Variants in CEP350 observed in about 807,000 individuals in gnomAD.
CEP350 encodes the protein centrosome-associated protein 350.
In CEP350, 126 loss-of-function variants were observed where a neutral mutation model predicts 331.8. That is an observed-to-expected ratio of 0.38 (90% CI 0.33 to 0.44). CEP350 has a LOEUF of 0.44. Among genes scored for constraint, CEP350 ranks in the 20% least tolerant of loss-of-function variants. The pLI is 1.00. For missense variants in CEP350, 3,406 were observed against 3,634.6 expected, an observed-to-expected ratio of 0.94 and a Z score of 1.62; for synonymous variants, 1,200 against 1,259.5, an observed-to-expected ratio of 0.95 and a Z score of 1.00.
At chr1:180,025,055 G>A (rs1655579003) in intron 14 of CEP350, among the ~76,000 whole-genome samples, 1 of 151,824 alleles carries the variant, frequency 6.6e-6, no homozygotes, top group African/African-American at 2.4e-5. Flanking sequence ...CTCCCGAGTA[G>A]CTGGGACTAC....
intron 28 of CEP350, among the ~76,000 whole-genome samples, chr1:180,077,771 A>G (rs1342292482): frequency 6.6e-6 from 1 of 151,688 alleles, no homozygotes; most frequent in Non-Finnish European, 1.5e-5. Flanking sequence ...TGATCTGTAG[A>G]TTCAAGACTA....
At chr1:180,097,572 T>C (rs1381155338) in intron 36 of CEP350, among the ~76,000 whole-genome samples, 2 of 152,036 alleles carry the variant, frequency 1.3e-5, no homozygotes, top group African/African-American at 2.4e-5. Context: ...AGAACAACCA[T>C]AAAAGTAACA....
At position 180,041,087 on chromosome 1, in the gene CEP350, T is replaced by C. The variant is rs369501786; in HGVS notation, c.4111-51T>C. On this transcript the variant is annotated intron_variant, in intron 17 of 37. Coordinates refer to ENST00000367607, the MANE Select transcript of CEP350 (RefSeq NM_014810.5). ...AGCATTGTGTGTGTTATAGTCACTGTGTTAAAATAGTTTCGTATCTGAGAA... is the reference window on the plus strand; with the variant it reads ...AGCATTGTGTGTGTTATAGTCACTGCGTTAAAATAGTTTCGTATCTGAGAA... 2.3e-6 allele frequency: 3 copies of C among 1,331,118 alleles called. No individual in the cohort carries two copies. In the African/African-American group the frequency reaches 4.4e-5, roughly 19 times the overall value. 82.5% of individuals were successfully genotyped at this position (1,331,118 alleles called of 1,614,324 possible).
At chr1:179,967,085 C>T (rs568823203) in intron 1 of CEP350, among the ~76,000 whole-genome samples, 1 of 152,242 alleles carries the variant, frequency 6.6e-6, no homozygotes, top group South Asian at 2.1e-4. Context: ...AGAGAGGCTT[C>T]TTAGACTATA....
At chr1:179,974,965 TG>T (rs2148615894) in intron 1 of CEP350, among the ~76,000 whole-genome samples, 2 of 151,628 alleles carry the variant, frequency 1.3e-5, no homozygotes, top group Non-Finnish European at 2.9e-5. Flanking sequence ...TACTCCAGCC[TG>T]GGTGACAGAG....
At chr1:180,016,021 C>A (rs16855107) in intron 11 of CEP350, 51 bp downstream of exon 11, 21 of 1,602,260 alleles carry the variant, frequency 1.3e-5, no homozygotes, top group Admixed American at 1.7e-5. Context: ...TGAAATTTAG[C>A]GGAGTGGTCT....
At chr1:180,004,906 G>GCTTGCTTGCTTGCTTGCTTGCTTTCTTT (rs1363516834) in intron 7 of CEP350, among the ~76,000 whole-genome samples, 13 of 130,784 alleles carry the variant, frequency 9.9e-5, no homozygotes, top group African/African-American at 2.5e-4. Context: ...TTGCTTGCTT[G>GCTTGCTTGCTTGCTTGCTTGCTTTCTTT]CTTTCTTTCT....
At chr1:180,062,171 C>T in intron 25 of CEP350, 49 bp from the exon 26 acceptor site, 8 of 1,449,374 alleles carry the variant, frequency 5.5e-6, no homozygotes, top group Non-Finnish European at 7.3e-6. Context: ...ATTACTTTGG[C>T]CTTGTCTTCT....
Position 180,084,150 on chromosome 1 carries a change from A to T in CEP350, c.6257A>T (p.Gln2086Leu). ...KKRQKERLKA[Q>L]EASLIKQLES... ...AGGCAAAAGGAAAGACTGAAAGCCC[A>T]AGAAGCCAGTCTGATCAAGCAGTTA... Residue 2086 changes from glutamine (Q) to leucine (L), a missense_variant, in exon 31 of 38, where the codon CAA becomes CTA. Gln to Leu is a moderately radical substitution (Grantham distance 113). This residue lies in a region of CEP350 where 1,415 missense variants were observed against 1,512.3 expected (regional missense o/e 0.94). Coordinates refer to ENST00000367607, the MANE Select transcript of CEP350 (RefSeq NM_014810.5). 6.3e-7 allele frequency: 1 copy of T among 1,587,634 alleles called. No individual in the cohort carries two copies. The highest frequency in any genetic ancestry group is 1.3e-5 in the African/African-American group (1 of 74,410).
chr1:180,033,992 A>G lies in CEP350; in HGVS notation c.3856A>G (p.Thr1286Ala). 1.2e-6 allele frequency: 2 copies of G among 1,613,862 alleles called. No individual in the cohort carries two copies. The highest frequency in any genetic ancestry group is 1.3e-5 in the African/African-American group (1 of 75,022). The change falls in exon 16 of 38, where the codon ACT (threonine) becomes GCT (alanine). Residue 1286 changes from threonine (T) to alanine (A), a missense_variant. This residue lies in a region of CEP350 where 1,857 missense variants were observed against 1,909.2 expected (regional missense o/e 0.97). Transcript: ENST00000367607. Reference sequence around the variant, plus strand: ...ATCTAAGTCGTCAGTAATGCCTCCAACTATAACAGGATTTAAGCCTAATGC... The same window carrying G: ...ATCTAAGTCGTCAGTAATGCCTCCAGCTATAACAGGATTTAAGCCTAATGC... ...ERSKSSVMPPTITGFKPNAPL... is the reference protein window; with the variant it reads ...ERSKSSVMPPAITGFKPNAPL...
intron 37 of CEP350, among the ~76,000 whole-genome samples, chr1:180,109,410 G>A (rs555578578): frequency 4.7e-4 from 71 of 151,528 alleles, no homozygotes; most frequent in African/African-American, 9.2e-4. Flanking sequence ...GAGCCACCGC[G>A]CTCGGCCCAC....
chr1:180,098,260 C>T (rs1230069294), intron 36 of CEP350, among the ~76,000 whole-genome samples: 2 of 152,044 alleles, frequency 1.3e-5, no homozygotes, highest in African/African-American at 4.8e-5. Flanking sequence ...TGAGCCACCG[C>T]ACCCAGCATG....
intron 37 of CEP350, among the ~76,000 whole-genome samples, chr1:180,110,363 G>A: frequency 6.6e-6 from 1 of 152,178 alleles, no homozygotes; most frequent in East Asian, 1.9e-4. Flanking sequence ...TCCTGGGCCA[G>A]TGATAAGTGG....
intron 25 of CEP350, among the ~76,000 whole-genome samples, chr1:180,056,788 T>C (rs571325239): frequency 6.6e-6 from 1 of 152,102 alleles, no homozygotes; most frequent in Non-Finnish European, 1.5e-5. Flanking sequence ...TTTTCTCCTT[T>C]CCTTCAGGGA....
At chr1:179,987,528 TATATA>T (rs1348805672) in intron 3 of CEP350, among the ~76,000 whole-genome samples, 22 of 148,150 alleles carry the variant, frequency 1.5e-4, no homozygotes, top group South Asian at 2.1e-4. Flanking sequence ...TCATATATAA[TATATA>T]ATATATTATA....
At position 180,014,396 on chromosome 1, in the gene CEP350, C is replaced by G. The variant is rs748955936; in HGVS notation, c.1943C>G (p.Pro648Arg). 9.4e-6 allele frequency: 15 copies of G among 1,601,790 alleles called. No individual in the cohort carries two copies. Among genetic ancestry groups the G allele is most frequent in the Non-Finnish European group, 1.2e-5 (14 of 1,173,902 alleles). Reference sequence around the variant, plus strand: ...TTTACTAAAGTAAAAAATGTCCCTCCTTCTGAGCCATCAGCAACTAGGCGA... The same window carrying G: ...TTTACTAAAGTAAAAAATGTCCCTCGTTCTGAGCCATCAGCAACTAGGCGA... ...EAFTKVKNVPPSEPSATRRLQ... is the reference protein window; with the variant it reads ...EAFTKVKNVPRSEPSATRRLQ... Residue 648 changes from proline (P) to arginine (R), a missense_variant, in exon 10 of 38, where the codon CCT becomes CGT. Physicochemically the swap from Pro to Arg is moderately radical, Grantham distance 103 (BLOSUM62 -2). Coordinates refer to ENST00000367607, the MANE Select transcript of CEP350 (RefSeq NM_014810.5).
At chr1:180,099,086 C>A in intron 37 of CEP350, 101 bp downstream of exon 37, 1 of 1,199,564 alleles carries the variant, frequency 8.3e-7, no homozygotes, top group Non-Finnish European at 1.1e-6. Context: ...ATTCTTAAAT[C>A]TATGGTATTA....
intron 14 of CEP350, among the ~76,000 whole-genome samples, chr1:180,025,308 C>G (rs1199513588): frequency 6.6e-6 from 1 of 152,000 alleles, no homozygotes; most frequent in Non-Finnish European, 1.5e-5. Context: ...ACCCAAATGT[C>G]CTTATCTATA....
At position 179,955,142 on chromosome 1, in the gene CEP350, G is replaced by C; in HGVS notation, c.-14G>C. 3.4e-6 allele frequency: 5 copies of C among 1,457,818 alleles called. No homozygotes were observed. The highest frequency in any genetic ancestry group is 3.6e-6 in the Non-Finnish European group (4 of 1,104,120). The allele number at this position is 1,457,818 out of a possible 1,614,324, so 90.3% of individuals were successfully genotyped here. A position where few individuals can be genotyped will look rare whatever the true frequency, so the allele number is the denominator to read the frequency against. ...GCCGAGGGCGGAGGCGACACTCTCA[G>C]GTGAGCTCCTGTAGGACCTGGCTGG... On this transcript the variant is annotated splice_region_variant and 5_prime_UTR_variant, in exon 1 of 38. Transcript: ENST00000367607.
Sources: gnomAD v4.1 joint callset for allele counts (sites outside exome capture counted in the v4.1 genomes callset) on GRCh38, gnomAD v4.1.1 for gene constraint, gnomAD v4.1.1 regional missense constraint, MANE v1.5 for transcripts, NCBI Gene and HGNC (gene_info 2026-07-23, HGNC 2026-07-21) for gene names.